The following EVA1C variants were observed in gnomAD, a reference collection of about 807,000 sequenced individuals.
EVA1C encodes protein eva-1 homolog C.
In EVA1C, 25 loss-of-function variants were observed where a neutral mutation model predicts 45.4. That is an observed-to-expected ratio of 0.55 (90% confidence interval 0.40 to 0.77). The LOEUF (loss-of-function observed/expected upper bound fraction) is 0.77, where lower values mean the gene tolerates loss of function less well. Ranked by LOEUF, EVA1C falls within the 30% of genes least tolerant of loss-of-function variation. The pLI is 0.00. For missense variants in EVA1C, 479 were observed against 554.8 expected, an observed-to-expected ratio of 0.86 and a Z score of 1.37; for synonymous variants, 190 against 221.2, an observed-to-expected ratio of 0.86 and a Z score of 1.25.
chr21:32,513,489 A>T lies in EVA1C; in HGVS notation c.950-1325A>T, dbSNP rs539210185. Among the ~76,000 whole-genome samples, 10 of 144,440 alleles carry T rather than the reference A, an allele frequency of 6.9e-5. No homozygotes were observed. The Admixed American group carries it at 6.9e-4, about 10-fold the overall frequency. The allele number at this position is 144,440 out of a possible 152,430, so 94.8% of individuals were successfully genotyped here. On this transcript the variant is annotated intron_variant, in intron 7 of 7. Coordinates refer to ENST00000300255, the MANE Select transcript of EVA1C (RefSeq NM_058187.5). ...CCACCGTGCCCGGCCAATACTTATT[A>T]TATTATTAATATTTATAAATAATAT...
At chr21:32,496,742 G>A (rs2037363397) in intron 5 of EVA1C, 3 of 629,564 alleles carry the variant, frequency 4.8e-6, no homozygotes, top group Non-Finnish European at 5.7e-6. Flanking sequence ...CAAATAAGGT[G>A]TAGTTTTGGC....
At chr21:32,476,976 G>A (rs760873973) in intron 4 of EVA1C, among the ~76,000 whole-genome samples, 2 of 152,156 alleles carry the variant, frequency 1.3e-5, no homozygotes, top group African/African-American at 2.4e-5. Flanking sequence ...GGAGGTCAGT[G>A]TCGGCCACAC....
intron 5 of EVA1C, among the ~76,000 whole-genome samples, chr21:32,498,049 G>A (rs2037408332): frequency 6.6e-6 from 1 of 152,174 alleles, no homozygotes; most frequent in African/African-American, 2.4e-5. Flanking sequence ...TTCAGGGCCT[G>A]GGGGTCACAT....
chr21:32,467,651 T>G (rs1330683749), intron 3 of EVA1C, 45 bp from the exon 4 acceptor site: 1 of 1,568,336 alleles, frequency 6.4e-7, no homozygotes, highest in African/African-American at 1.4e-5. Flanking sequence ...ACCAATTCCT[T>G]CTGGGGGAAG....
intron 5 of EVA1C, among the ~76,000 whole-genome samples, chr21:32,495,994 A>G (rs1024755683): frequency 1.3e-5 from 2 of 152,240 alleles, no homozygotes; most frequent in Non-Finnish European, 2.9e-5. Flanking sequence ...TTTGAGATAT[A>G]ATCCACAGAG....
At chr21:32,496,227 C>T (rs1246579417) in intron 5 of EVA1C, among the ~76,000 whole-genome samples, 1 of 152,202 alleles carries the variant, frequency 6.6e-6, no homozygotes, top group East Asian at 1.9e-4. Flanking sequence ...CTCTTCTAGA[C>T]ATTTCCTAGA....
intron 4 of EVA1C, among the ~76,000 whole-genome samples, chr21:32,493,265 T>C (rs1323740382): frequency 6.6e-6 from 1 of 152,214 alleles, no homozygotes; most frequent in Admixed American, 6.5e-5. Context: ...CAAACTGCTC[T>C]CCTTGCCTTT....
rs142955347 is a variant in EVA1C, at chr21:32,474,002, C to T, written c.634+6154C>T. ...GCAGTGAAGTATTCATCATAGCTCA[C>T]TGCAAGCCTCCAACTCATGGGCTCA... On this transcript the variant is annotated intron_variant, in intron 4 of 7. Coordinates refer to ENST00000300255, the MANE Select transcript of EVA1C (RefSeq NM_058187.5). The surrounding 1 kb of genome is among the most constrained non-coding windows in gnomAD (Gnocchi z 4.4). 1,899 of 965,304 alleles carry T rather than the reference C, an allele frequency of 2.0e-3. 18 individuals are homozygous for T. The African/African-American group carries it at 0.026, about 13-fold the overall frequency. 59.8% of individuals were successfully genotyped at this position (965,304 alleles called of 1,614,324 possible).
chr21:32,454,481 T>G (rs1411603020), intron 2 of EVA1C, among the ~76,000 whole-genome samples: 1 of 152,130 alleles, frequency 6.6e-6, no homozygotes, highest in Non-Finnish European at 1.5e-5. Flanking sequence ...AAACTAATAT[T>G]TCAATGATGG....
chr21:32,443,732 T>G (rs2035264693), intron 1 of EVA1C, among the ~76,000 whole-genome samples: 1 of 152,188 alleles, frequency 6.6e-6, no homozygotes, highest in Non-Finnish European at 1.5e-5. Context: ...TCTCTTTTAT[T>G]TTTATTTTAG....
At chr21:32,500,492 T>C (rs111531789) in intron 5 of EVA1C, among the ~76,000 whole-genome samples, 2,014 of 152,186 alleles carry the variant, frequency 0.013, 57 homozygotes, top group African/African-American at 0.046. Flanking sequence ...TCCTTAAAAT[T>C]CTATTACATG....
At chr21:32,483,962 ATGTGTGTGTG>A (rs55688415) in intron 4 of EVA1C, among the ~76,000 whole-genome samples, 3,108 of 147,174 alleles carry the variant, frequency 0.021, 58 homozygotes, top group African/African-American at 0.046. Context: ...CTCACTGTTT[ATGTGTGTGTG>A]TGTGTGTGTG....
intron 4 of EVA1C, among the ~76,000 whole-genome samples, chr21:32,483,081 AC>A (rs2036851197): frequency 1.1e-4 from 1 of 9,334 alleles, no homozygotes; most frequent in Non-Finnish European, 2.2e-4. Context: ...CTGATCTTGA[AC>A]TCCTGAGTTC....
intron 1 of EVA1C, among the ~76,000 whole-genome samples, chr21:32,438,635 C>T (rs1052599832): frequency 1.3e-5 from 2 of 152,080 alleles, no homozygotes; most frequent in African/African-American, 4.8e-5. Context: ...CACCACCCAG[C>T]GCACATCCAG....
At chr21:32,510,556 T>C (rs1268432114) in intron 7 of EVA1C, among the ~76,000 whole-genome samples, 1 of 152,112 alleles carries the variant, frequency 6.6e-6, no homozygotes, top group Non-Finnish European at 1.5e-5. Flanking sequence ...ACAGAGACCA[T>C]ATGGCCCATA....
At chr21:32,429,321 G>A (rs374888950) in intron 1 of EVA1C, among the ~76,000 whole-genome samples, 19 of 136,400 alleles carry the variant, frequency 1.4e-4, no homozygotes, top group South Asian at 7.1e-4. Context: ...GATTTCAGGC[G>A]TGAGCCACCG....
intron 1 of EVA1C, among the ~76,000 whole-genome samples, chr21:32,443,111 T>C (rs2035241126): frequency 1.3e-5 from 2 of 152,056 alleles, no homozygotes; most frequent in Non-Finnish European, 2.9e-5. Flanking sequence ...CACGGGGCTA[T>C]GTACTGGTCT....
At chr21:32,511,769 G>A (rs529608107) in intron 7 of EVA1C, among the ~76,000 whole-genome samples, 3 of 152,110 alleles carry the variant, frequency 2.0e-5, no homozygotes, top group Non-Finnish European at 4.4e-5. Context: ...TGAAACTCAC[G>A]TGCCCTAAGT....
intron 4 of EVA1C, among the ~76,000 whole-genome samples, chr21:32,494,611 C>T (rs543618045): frequency 6.6e-6 from 1 of 152,212 alleles, no homozygotes; most frequent in African/African-American, 2.4e-5. Flanking sequence ...GGTGAAACCC[C>T]ATCTCTACTA....
Sources: allele counts gnomAD v4.1 joint callset (sites outside exome capture counted in the v4.1 genomes callset), GRCh38; gene constraint gnomAD v4.1.1; non-coding constraint Gnocchi (gnomAD v3.1); transcripts MANE v1.5; gene names NCBI Gene and HGNC (gene_info 2026-07-23, HGNC 2026-07-21).